PTBP3: variants seen among roughly 807,000 people sequenced by gnomAD.
PTBP3 encodes polypyrimidine tract-binding protein 3.
A neutral mutation model predicts 58.7 loss-of-function variants in PTBP3; 20 were observed. The observed-to-expected ratio is 0.34, with a 90% CI of 0.24 to 0.50. PTBP3 has a LOEUF of 0.50. Among genes scored for constraint, PTBP3 ranks in the 20% least tolerant of loss-of-function variants. PTBP3 has a pLI of 0.98. For synonymous variants in PTBP3, 185 were observed against 219.8 expected (o/e 0.84, Z 1.40); for missense variants, 509 against 637.2 (o/e 0.80, Z 2.17).
the PTBP3 span, among the ~76,000 whole-genome samples, chr9:112,366,417 T>A: frequency 6.6e-6 from 1 of 152,160 alleles, no homozygotes; most frequent in Admixed American, 6.6e-5. Flanking sequence ...TTTCATGAAC[T>A]GGGTCCAGTG....
At chr9:112,232,366 T>C (rs991879470) in intron 8 of PTBP3, 128 bp from the exon 9 acceptor site, 32 of 964,230 alleles carry the variant, frequency 3.3e-5, no homozygotes, top group Non-Finnish European at 4.5e-5. Context: ...ACCATAAAGA[T>C]ACTGAAGGCC....
chr9:112,279,325 A>G (rs1827758419), intron 2 of PTBP3, among the ~76,000 whole-genome samples: 1 of 152,236 alleles, frequency 6.6e-6, no homozygotes, highest in Non-Finnish European at 1.5e-5. Flanking sequence ...TTACTAAACT[A>G]TACATTAAAA....
intron 2 of PTBP3, among the ~76,000 whole-genome samples, chr9:112,282,404 T>C (rs1827910791): frequency 6.6e-6 from 1 of 152,204 alleles, no homozygotes; most frequent in Admixed American, 6.5e-5. Flanking sequence ...CTTTTCTATC[T>C]ACTTGTAGGG....
rs1212533738 is a variant in PTBP3, at chr9:112,290,697, T to TACAC, written c.34+7134_34+7135insGTGT. On this transcript the variant is annotated intron_variant, in intron 2 of 13. Coordinates refer to ENST00000374257, the MANE Select transcript of PTBP3 (RefSeq NM_001163788.4). ...TAAAAAAAAAAAAAAAATATATATA[T>TACAC]ATATATATATACACACACACACACA... Among the ~76,000 whole-genome samples the TACAC allele has an allele frequency of 8.3e-3, 513 of 62,026 alleles. 5 individuals are homozygous for TACAC. Among genetic ancestry groups the TACAC allele is most frequent in the Admixed American group, 0.014 (64 of 4,738 alleles). 40.7% of individuals were successfully genotyped at this position (62,026 alleles called of 152,430 possible). A position where few individuals can be genotyped will look rare whatever the true frequency, so the allele number is the denominator to read the frequency against.
At chr9:112,313,492 AT>A (rs781448564) in intron 1 of PTBP3, among the ~76,000 whole-genome samples, 18 of 152,226 alleles carry the variant, frequency 1.2e-4, no homozygotes, top group Admixed American at 2.0e-4. Flanking sequence ...AAAAACAAAT[AT>A]TTTGTAACTT....
At chr9:112,315,737 A>G (rs1371723644) in intron 1 of PTBP3, among the ~76,000 whole-genome samples, 1 of 152,260 alleles carries the variant, frequency 6.6e-6, no homozygotes, top group Non-Finnish European at 1.5e-5. Context: ...GAATTCTATC[A>G]AAGAGTTTTA....
At chr9:112,302,582 C>CTTTTTTTTTTT (rs369208342) in intron 1 of PTBP3, among the ~76,000 whole-genome samples, 26 of 110,490 alleles carry the variant, frequency 2.4e-4, no homozygotes, top group South Asian at 3.2e-4. Context: ...TATTCTTCAT[C>CTTTTTTTTTTT]TTTTTTTTTT....
At chr9:112,330,543 T>A in intron 1 of PTBP3, 2 of 1,067,606 alleles carry the variant, frequency 1.9e-6, no homozygotes, top group Non-Finnish European at 1.4e-6. Flanking sequence ...AAGACAGAGA[T>A]AGTAAGAATA....
chr9:112,227,669 T>TA, intron 11 of PTBP3, 42 bp from the exon 12 acceptor site: 1 of 1,421,742 alleles, frequency 7.0e-7, no homozygotes, highest in Non-Finnish European at 9.9e-7. Context: ...AGTATTAGGA[T>TA]AGATTTCTCA....
intron 3 of PTBP3, among the ~76,000 whole-genome samples, chr9:112,270,272 C>A (rs911871292): frequency 2.0e-5 from 3 of 152,096 alleles, no homozygotes; most frequent in African/African-American, 7.2e-5. Context: ...CCAATTAACA[C>A]CCATGTTACA....
intron 1 of PTBP3, among the ~76,000 whole-genome samples, chr9:112,316,227 T>A (rs1248356870): frequency 6.6e-6 from 1 of 152,206 alleles, no homozygotes; most frequent in Non-Finnish European, 1.5e-5. Context: ...TTCTCTCTCC[T>A]AAAGTATAGG....
At chr9:112,245,249 G>A (rs977659272) in intron 7 of PTBP3, among the ~76,000 whole-genome samples, 3 of 152,242 alleles carry the variant, frequency 2.0e-5, no homozygotes, top group African/African-American at 7.2e-5. Context: ...GGCAAAGGCT[G>A]CAGCGAGCCC....
chr9:112,260,228 T>A (rs1836537444), intron 5 of PTBP3, among the ~76,000 whole-genome samples: 1 of 152,232 alleles, frequency 6.6e-6, no homozygotes, highest in African/African-American at 2.4e-5. Flanking sequence ...GCACTTAATA[T>A]GTATCAGGCC....
At chr9:112,376,446 G>A in the PTBP3 span, among the ~76,000 whole-genome samples, 4 of 151,636 alleles carry the variant, frequency 2.6e-5, no homozygotes, top group Non-Finnish European at 5.9e-5. Context: ...TAGAGATGGG[G>A]TTTCACCACG....
intron 13 of PTBP3, 41 bp downstream of exon 13, chr9:112,224,092 A>G: frequency 6.4e-7 from 1 of 1,553,826 alleles, no homozygotes; most frequent in South Asian, 1.2e-5. Context: ...TGCATACCAT[A>G]TTAAATAATT....
At position 112,252,595 on chromosome 9, in the gene PTBP3, A is replaced by G. The variant is rs1163084811; in HGVS notation, c.627+83T>C. On this transcript the variant is annotated intron_variant, in intron 6 of 13. Coordinates refer to ENST00000374257, the MANE Select transcript of PTBP3 (RefSeq NM_001163788.4). ...TGTATATTTTGCCACAATTTTTTTAAAAACACATGGTAAAGTGGGGCACAA... is the reference window on the plus strand; with the variant it reads ...TGTATATTTTGCCACAATTTTTTTAGAAACACATGGTAAAGTGGGGCACAA... 2.0e-5 allele frequency: 21 copies of G among 1,068,706 alleles called. No homozygotes were observed. In the South Asian group the frequency reaches 2.5e-4, roughly 13 times the overall value. 66.2% of individuals were successfully genotyped at this position (1,068,706 alleles called of 1,614,324 possible).
At chr9:112,366,453 A>G in the PTBP3 span, among the ~76,000 whole-genome samples, 2 of 151,970 alleles carry the variant, frequency 1.3e-5, no homozygotes, top group African/African-American at 4.8e-5. Flanking sequence ...CAGCCTAGGG[A>G]CTTGGCACCC....
intron 10 of PTBP3, among the ~76,000 whole-genome samples, 182 bp from the exon 11 acceptor site, chr9:112,228,654 G>A (rs565144934): frequency 2.8e-4 from 42 of 151,986 alleles, no homozygotes; most frequent in South Asian, 6.2e-4. Flanking sequence ...TTTTCACTTG[G>A]ATGTCCCATC....
chr9:112,284,225 C>A (rs115578294), intron 2 of PTBP3, among the ~76,000 whole-genome samples: 1 of 152,106 alleles, frequency 6.6e-6, no homozygotes, highest in African/African-American at 2.4e-5. Context: ...TTGCACCATG[C>A]GCCTGGAAAA....
Sources: allele counts gnomAD v4.1 joint callset (sites outside exome capture counted in the v4.1 genomes callset), GRCh38; gene constraint gnomAD v4.1.1; transcripts MANE v1.5; gene names NCBI Gene and HGNC (gene_info 2026-07-23, HGNC 2026-07-21).